Variants in CEP85L observed in about 807,000 individuals in gnomAD.
CEP85L encodes the protein centrosomal protein of 85 kDa-like.
Under a neutral mutation model 100.3 loss-of-function variants are expected in CEP85L, and 60 were observed. That is an observed-to-expected ratio of 0.60 (90% confidence interval 0.49 to 0.74). The LOEUF (loss-of-function observed/expected upper bound fraction) is 0.74. Among genes scored for constraint, CEP85L ranks in the 30% least tolerant of loss-of-function variants. CEP85L has a pLI of 0.00. For missense variants in CEP85L, 973 were observed against 936.2 expected (o/e 1.04, Z -0.51); for synonymous variants, 319 against 322.7 (o/e 0.99, Z 0.12).
At chr6:118,636,277 T>C (rs1250502782) in intron 1 of CEP85L, among the ~76,000 whole-genome samples, 1 of 152,232 alleles carries the variant, frequency 6.6e-6, no homozygotes, top group Non-Finnish European at 1.5e-5. Flanking sequence ...TTCATTTCTT[T>C]ATTTGGAAGA....
chr6:118,671,155 G>A (rs1776294244), intron 1 of CEP85L, among the ~76,000 whole-genome samples: 1 of 152,078 alleles, frequency 6.6e-6, no homozygotes, highest in Non-Finnish European at 1.5e-5. Context: ...GAATCTTATG[G>A]ACAGTGGATC....
chr6:118,647,280 T>G (rs1325689823), intron 1 of CEP85L, among the ~76,000 whole-genome samples: 1 of 152,214 alleles, frequency 6.6e-6, no homozygotes, highest in African/African-American at 2.4e-5. Flanking sequence ...AGCTCAAGTG[T>G]TTCCTGTAAC....
upstream of CEP85L, chr6:118,651,598 C>G (rs967646817): frequency 2.7e-6 from 3 of 1,093,704 alleles, no homozygotes; most frequent in Non-Finnish European, 1.1e-6. Context: ...CTCTCCGCCC[C>G]CTCCGCCGGC....
chr6:118,566,466 G>C, intron 2 of CEP85L, 150 bp from the exon 3 acceptor site: 1 of 693,908 alleles, frequency 1.4e-6, no homozygotes, highest in South Asian at 2.0e-5. Flanking sequence ...TGCCTAGGCT[G>C]GAGTGCAGTG....
At chr6:118,617,907 C>T (rs977682241) in intron 2 of CEP85L, among the ~76,000 whole-genome samples, 4 of 152,086 alleles carry the variant, frequency 2.6e-5, no homozygotes, top group African/African-American at 7.2e-5. Flanking sequence ...CCTTAGAATT[C>T]GGAGGCTAAA....
chr6:118,487,188 C>A (rs532068747), intron 6 of CEP85L, among the ~76,000 whole-genome samples: 1 of 152,212 alleles, frequency 6.6e-6, no homozygotes, highest in East Asian at 1.9e-4. Context: ...ATTTACCATG[C>A]AAAAAGGCCA....
intron 3 of CEP85L, among the ~76,000 whole-genome samples, chr6:118,541,223 C>T (rs1167725740): frequency 1.3e-5 from 2 of 152,198 alleles, no homozygotes; most frequent in Admixed American, 6.5e-5. Flanking sequence ...CTGGAGCCCA[C>T]TCATCACCTT....
intron 5 of CEP85L, among the ~76,000 whole-genome samples, chr6:118,509,421 C>T (rs1269921050): frequency 6.6e-6 from 1 of 152,038 alleles, no homozygotes; most frequent in Admixed American, 6.6e-5. Context: ...ATTCTCAGTA[C>T]TCATTATAAA....
intron 3 of CEP85L, among the ~76,000 whole-genome samples, chr6:118,551,238 G>A (rs1313360653): frequency 6.6e-6 from 1 of 151,728 alleles, no homozygotes; most frequent in Non-Finnish European, 1.5e-5. Context: ...TGAAAATGAA[G>A]CCTGGATGTA....
chr6:118,527,002 C>CTTTTTTTTTTTTTT (rs764883723), intron 3 of CEP85L, among the ~76,000 whole-genome samples: 17 of 98,708 alleles, frequency 1.7e-4, no homozygotes, highest in South Asian at 4.1e-4. Flanking sequence ...TTTACTTTTT[C>CTTTTTTTTTTTTTT]TTTTTTTTTT....
At chr6:118,532,008 C>G (rs1360026194) in intron 3 of CEP85L, among the ~76,000 whole-genome samples, 1 of 152,096 alleles carries the variant, frequency 6.6e-6, no homozygotes, top group Non-Finnish European at 1.5e-5. Context: ...TGGGTATATA[C>G]CCAAAGGAAT....
At chr6:118,694,971 T>G (rs1193466504) in intron 1 of CEP85L, among the ~76,000 whole-genome samples, 1 of 152,178 alleles carries the variant, frequency 6.6e-6, no homozygotes, top group African/African-American at 2.4e-5. Flanking sequence ...TTATGTAAGG[T>G]TGTTGCAATC....
chr6:118,480,663 AT>A, intron 8 of CEP85L, 150 bp from the exon 9 acceptor site: 1 of 559,868 alleles, frequency 1.8e-6, no homozygotes, highest in African/African-American at 1.9e-5. Flanking sequence ...AAAAACTGTT[AT>A]CTATAGTTCA....
At chr6:118,562,751 G>A (rs537718826) in intron 3 of CEP85L, among the ~76,000 whole-genome samples, 2 of 152,140 alleles carry the variant, frequency 1.3e-5, no homozygotes, top group East Asian at 3.9e-4. Context: ...TGACTAAATA[G>A]GCACAAAATT....
At chr6:118,705,488 C>T (rs1471271231) in intron 1 of CEP85L, among the ~76,000 whole-genome samples, 5 of 152,206 alleles carry the variant, frequency 3.3e-5, no homozygotes, top group Admixed American at 1.3e-4. Context: ...ACCCCGGAAC[C>T]AAATCCAGCC....
At chr6:118,519,263 G>A (rs527426235) in intron 4 of CEP85L, among the ~76,000 whole-genome samples, 43 of 152,056 alleles carry the variant, frequency 2.8e-4, no homozygotes, top group African/African-American at 1.0e-3. Context: ...AGACCAGCCT[G>A]GTCAACATGG....
At chr6:118,636,677 C>T (rs1774512936) in intron 1 of CEP85L, among the ~76,000 whole-genome samples, 1 of 152,188 alleles carries the variant, frequency 6.6e-6, no homozygotes, top group African/African-American at 2.4e-5. Flanking sequence ...AAAAAGCTAA[C>T]CATCCCCTAA....
rs1772452389 is a variant in CEP85L, at chr6:118,465,574, T to C, written c.2255-6A>G. 1.2e-6 allele frequency: 2 copies of C among 1,604,730 alleles called. No homozygotes were observed. Among genetic ancestry groups the C allele is most frequent in the South Asian group, 2.2e-5 (2 of 89,044 alleles). ...TTCAGCTGAACAGTTCATTGCTGTG[T>C]AAATAAAACATAGAGAGAATATCTC... On this transcript the variant is annotated splice_polypyrimidine_tract_variant and splice_region_variant and intron_variant, in intron 12 of 12. Transcript: ENST00000368491.
intron 5 of CEP85L, chr6:118,501,329 AC>A: frequency 2.8e-6 from 1 of 362,952 alleles, no homozygotes; most frequent in Non-Finnish European, 5.3e-6. Context: ...AGCAGGGCCT[AC>A]CAAACCCCGC....
Sources: gnomAD v4.1 joint callset for allele counts (sites outside exome capture counted in the v4.1 genomes callset) on GRCh38, gnomAD v4.1.1 for gene constraint, MANE v1.5 for transcripts, NCBI Gene and HGNC (gene_info 2026-07-23, HGNC 2026-07-21) for gene names.